The following DPF3 variants were observed in gnomAD, a reference collection of about 807,000 sequenced individuals.
DPF3 encodes zinc finger protein DPF3.
DPF3 carries 18 observed loss-of-function variants against 56.8 expected under a neutral mutation model. That is an observed-to-expected ratio of 0.32 (90% CI 0.22 to 0.47). The LOEUF is 0.47. DPF3 is among the 20% of genes least tolerant of loss of function. DPF3 has a pLI of 1.00. For synonymous variants in DPF3, 188 were observed against 180.2 expected (o/e 1.04, Z -0.35); for missense variants, 403 against 488.8 (o/e 0.82, Z 1.65).
chr14:72,888,861 A>C (rs1886647533), intron 1 of DPF3, among the ~76,000 whole-genome samples: 1 of 152,202 alleles, frequency 6.6e-6, no homozygotes, highest in Admixed American at 6.5e-5. Context: ...TGGGATAATA[A>C]ACAGGCCTGG....
In DPF3 at chr14:72,866,670, A is replaced by G. The variant is rs1057377993; in HGVS notation, c.32+27387T>C. The stretch of plus-strand genomic sequence containing the variant: ...TTGGGAGTTTGAAACCAGCCTGACC[A>G]ACACGAAGAAACCCCATCTCTACTA... On this transcript the variant is annotated intron_variant, in intron 1 of 10. Transcript: ENST00000556509. Among the ~76,000 whole-genome samples the G allele has an allele frequency of 2.7e-5, 4 of 150,506 alleles. 1 individual carries two copies. The highest frequency in any genetic ancestry group is 4.9e-5 in the African/African-American group (2 of 41,078).
At chr14:72,865,517 G>A (rs979388841) in intron 1 of DPF3, among the ~76,000 whole-genome samples, 2 of 152,208 alleles carry the variant, frequency 1.3e-5, no homozygotes, top group Non-Finnish European at 1.5e-5. Context: ...AATCTGGGGT[G>A]AAATCATCGG....
chr14:72,808,794 C>T (rs865849973), intron 1 of DPF3, among the ~76,000 whole-genome samples: 114 of 152,252 alleles, frequency 7.5e-4, no homozygotes, highest in African/African-American at 2.5e-3. Flanking sequence ...CAAAGGTCTC[C>T]GGGCATGTAA....
At chr14:72,855,775 C>T (rs972980423) in intron 1 of DPF3, among the ~76,000 whole-genome samples, 6 of 152,210 alleles carry the variant, frequency 3.9e-5, no homozygotes, top group African/African-American at 1.2e-4. Flanking sequence ...TCCAAAGCAA[C>T]GCTTCCAAAC....
chr14:72,764,613 T>C (rs1454250672), intron 2 of DPF3, among the ~76,000 whole-genome samples: 1 of 147,410 alleles, frequency 6.8e-6, no homozygotes, highest in Non-Finnish European at 1.5e-5. Context: ...CTCAGCCTCC[T>C]GAGTAGCTGG....
At chr14:72,860,644 A>T (rs1313408368) in intron 1 of DPF3, among the ~76,000 whole-genome samples, 42 of 7,294 alleles carry the variant, frequency 5.8e-3, no homozygotes, top group East Asian at 0.048. Context: ...GGCTCACCAC[A>T]AACCTCCACC....
At chr14:72,772,886 G>T (rs569448884) in intron 1 of DPF3, among the ~76,000 whole-genome samples, 1 of 152,230 alleles carries the variant, frequency 6.6e-6, no homozygotes, top group East Asian at 1.9e-4. Context: ...CTGGGGTCGG[G>T]GGGCAGTGGA....
chr14:72,678,443 C>T (rs1015759626), intron 7 of DPF3, among the ~76,000 whole-genome samples: 58 of 152,314 alleles, frequency 3.8e-4, no homozygotes, highest in African/African-American at 1.3e-3. Flanking sequence ...CCTGGGTGAT[C>T]CTGTTTATTG....
chr14:72,664,327 G>A (rs760246298), intron 8 of DPF3, among the ~76,000 whole-genome samples: 82 of 151,712 alleles, frequency 5.4e-4, no homozygotes, highest in Admixed American at 3.1e-3. Flanking sequence ...TTTCCACCCC[G>A]ACCTCCCAAC....
chr14:72,672,048 C>G (rs200536835), intron 8 of DPF3, among the ~76,000 whole-genome samples: 1,901 of 121,516 alleles, frequency 0.016, 72 homozygotes, highest in East Asian at 0.16. Context: ...CACACACACA[C>G]ACACACACAC....
chr14:72,739,131 A>T (rs1298639988), intron 3 of DPF3, among the ~76,000 whole-genome samples: 2 of 151,846 alleles, frequency 1.3e-5, no homozygotes, highest in Non-Finnish European at 2.9e-5. Flanking sequence ...AGTCCCAGTG[A>T]CTCGAGAGGC....
intron 2 of DPF3, among the ~76,000 whole-genome samples, chr14:72,756,889 G>A (rs1439918059): frequency 1.1e-5 from 1 of 88,302 alleles, no homozygotes; most frequent in Non-Finnish European, 2.3e-5. Flanking sequence ...AAGAAGGAAA[G>A]AAAGAAAGAA....
At position 72,760,193 on chromosome 14, in the gene DPF3, G is replaced by A. The variant is rs182997334; in HGVS notation, c.194-6822C>T. ...TATTTTTAAAAATACAATGATGGCC[G>A]GGCGCGGTGGCTCATACCTGTAATC... is the stretch of plus-strand genomic sequence containing the variant. On this transcript the variant is annotated intron_variant, in intron 2 of 10. Transcript: ENST00000556509. Among the ~76,000 whole-genome samples the A allele has an allele frequency of 4.4e-3, 668 of 152,196 alleles. 3 individuals carry two copies. Among genetic ancestry groups the A allele is most frequent in the Non-Finnish European group, 7.2e-3 (493 of 68,018 alleles).
intron 1 of DPF3, among the ~76,000 whole-genome samples, chr14:72,861,474 T>C (rs538124027): frequency 6.6e-6 from 1 of 152,260 alleles, no homozygotes; most frequent in South Asian, 2.1e-4. Flanking sequence ...GTGAATTTGG[T>C]CATTTTGCTA....
intron 9 of DPF3, among the ~76,000 whole-genome samples, chr14:72,626,203 G>T (rs1218600532): frequency 2.0e-5 from 3 of 152,108 alleles, no homozygotes; most frequent in Non-Finnish European, 4.4e-5. Context: ...TATGATGGTT[G>T]TAAGAGTCAA....
chr14:72,810,084 T>C (rs1882971028), intron 1 of DPF3, among the ~76,000 whole-genome samples: 1 of 152,192 alleles, frequency 6.6e-6, no homozygotes, highest in African/African-American at 2.4e-5. Context: ...CTTGTACAAA[T>C]GCCTTCTTCC....
chr14:72,637,400 AC>A (rs2153567548), intron 8 of DPF3, among the ~76,000 whole-genome samples: 1 of 152,308 alleles, frequency 6.6e-6, no homozygotes, highest in Non-Finnish European at 1.5e-5. Flanking sequence ...CATAGTAATG[AC>A]CCCAAAGCCC....
intron 1 of DPF3, among the ~76,000 whole-genome samples, chr14:72,790,439 T>C (rs1465135182): frequency 2.0e-5 from 3 of 152,160 alleles, no homozygotes; most frequent in Non-Finnish European, 2.9e-5. Flanking sequence ...GAGCATTCCA[T>C]AATACATGAT....
At chr14:72,705,553 ACTTGGGTACTGTGG>A (rs1476297121) in intron 6 of DPF3, among the ~76,000 whole-genome samples, 1 of 152,036 alleles carries the variant, frequency 6.6e-6, no homozygotes, top group African/African-American at 2.4e-5. Flanking sequence ...GTGCCAAAAA[ACTTGGGTACTGTGG>A]CTCTAAGCAC....
Sources: allele counts gnomAD v4.1 joint callset (sites outside exome capture counted in the v4.1 genomes callset), GRCh38; gene constraint gnomAD v4.1.1; transcripts MANE v1.5; gene names NCBI Gene and HGNC (gene_info 2026-07-23, HGNC 2026-07-21).